The following CEP63 variants were observed in gnomAD, a reference collection of about 807,000 sequenced individuals.
The protein encoded by CEP63 is centrosomal protein of 63 kDa.
A neutral mutation model predicts 89.1 loss-of-function variants in CEP63; 84 were observed. The observed-to-expected ratio is 0.94, with a 90% CI of 0.79 to 1.13. CEP63 has a LOEUF of 1.13. Ranked by LOEUF, CEP63 falls within the 50% of genes most tolerant of loss-of-function variation. The pLI, the probability that CEP63 is intolerant of heterozygous loss-of-function variation, is 0.00. For missense variants in CEP63, 838 were observed against 813.3 expected (o/e 1.03, Z -0.37); for synonymous variants, 267 against 272.5 (o/e 0.98, Z 0.20).
the CEP63 span, among the ~76,000 whole-genome samples, chr3:134,753,526 C>T: frequency 6.6e-6 from 1 of 152,210 alleles, no homozygotes; most frequent in Non-Finnish European, 1.5e-5. Flanking sequence ...ACAGCAACAG[C>T]CACCAGGGCC....
At chr3:134,624,365 C>T in the CEP63 span, among the ~76,000 whole-genome samples, 8 of 152,242 alleles carry the variant, frequency 5.3e-5, no homozygotes, top group African/African-American at 1.7e-4. Flanking sequence ...GATCCATGCA[C>T]TCACCATCCA....
the CEP63 span, among the ~76,000 whole-genome samples, chr3:134,709,904 G>T: frequency 3.9e-5 from 6 of 152,214 alleles, no homozygotes; most frequent in African/African-American, 1.4e-4. Flanking sequence ...TGAACAATCT[G>T]TGATTATTCA....
chr3:134,649,279 G>A, the CEP63 span, among the ~76,000 whole-genome samples: 1 of 152,158 alleles, frequency 6.6e-6, no homozygotes, highest in African/African-American at 2.4e-5. Context: ...TGGAGCCATG[G>A]CGAGTTTGTG....
intron 10 of CEP63, among the ~76,000 whole-genome samples, chr3:134,581,628 T>C (rs1351317839): frequency 2.6e-5 from 4 of 151,188 alleles, no homozygotes; most frequent in Non-Finnish European, 4.4e-5. Context: ...ATAATCACTT[T>C]AATGCAGAAA....
the CEP63 span, among the ~76,000 whole-genome samples, chr3:134,744,828 C>T: frequency 6.6e-6 from 1 of 152,176 alleles, no homozygotes; most frequent in Non-Finnish European, 1.5e-5. Flanking sequence ...TACTTATATA[C>T]TCTTTAACAA....
chr3:134,608,159 GC>G, the CEP63 span: 1 of 1,154,232 alleles, frequency 8.7e-7, no homozygotes. Flanking sequence ...CTCTGCTGAG[GC>G]CATGTATTCT....
At chr3:134,611,693 CAGCTG>C in the CEP63 span, among the ~76,000 whole-genome samples, 2 of 152,242 alleles carry the variant, frequency 1.3e-5, no homozygotes, top group Non-Finnish European at 2.9e-5. Context: ...GTGCTGTACT[CAGCTG>C]AGCTGAGTCT....
At chr3:134,508,040 A>G (rs1160037810) in intron 3 of CEP63, among the ~76,000 whole-genome samples, 3 of 152,206 alleles carry the variant, frequency 2.0e-5, no homozygotes, top group African/African-American at 4.8e-5. Flanking sequence ...GACCTTTTCT[A>G]CCAGTAGGGT....
chr3:134,774,401 T>C, the CEP63 span, among the ~76,000 whole-genome samples: 3 of 152,206 alleles, frequency 2.0e-5, no homozygotes, highest in Non-Finnish European at 4.4e-5. Flanking sequence ...AGAGTAAAAT[T>C]GCCTTATTGA....
intron 3 of CEP63, among the ~76,000 whole-genome samples, chr3:134,511,698 A>G (rs1453345227): frequency 6.6e-6 from 1 of 152,160 alleles, no homozygotes; most frequent in Non-Finnish European, 1.5e-5. Context: ...ACATTTTCAC[A>G]TGGCGGAGGA....
the CEP63 span, among the ~76,000 whole-genome samples, chr3:134,661,137 T>C: frequency 2.6e-5 from 4 of 152,234 alleles, no homozygotes; most frequent in Admixed American, 1.3e-4. Context: ...GCAGCCTTCC[T>C]GCCCAGCCCA....
At chr3:134,663,447 G>T in the CEP63 span, among the ~76,000 whole-genome samples, 1 of 152,204 alleles carries the variant, frequency 6.6e-6, no homozygotes, top group Non-Finnish European at 1.5e-5. Context: ...GTGGAGTAAG[G>T]ATAAGGCAGA....
At chr3:134,695,163 C>T in the CEP63 span, among the ~76,000 whole-genome samples, 1 of 152,120 alleles carries the variant, frequency 6.6e-6, no homozygotes, top group Admixed American at 6.6e-5. Context: ...GCTCTCTGTG[C>T]TGCGGGTGTC....
intron 2 of CEP63, among the ~76,000 whole-genome samples, chr3:134,503,290 C>T (rs938972601): frequency 3.3e-5 from 5 of 151,910 alleles, no homozygotes; most frequent in African/African-American, 7.2e-5. Flanking sequence ...CATTCAGGAG[C>T]ATGCTGCTTA....
At chr3:134,574,770 A>AT in intron 11 of CEP63, 1 of 596,624 alleles carries the variant, frequency 1.7e-6, no homozygotes, top group Non-Finnish European at 3.1e-6. Flanking sequence ...CACCTGGCTA[A>AT]TTTTTTATAT....
At chr3:134,530,342 G>C (rs1195223237) in intron 3 of CEP63, among the ~76,000 whole-genome samples, 4 of 152,062 alleles carry the variant, frequency 2.6e-5, no homozygotes, top group Admixed American at 2.6e-4. Flanking sequence ...AATGCCATTG[G>C]ATGTTTTCCT....
At chr3:134,624,907 A>G in the CEP63 span, 1 of 703,102 alleles carries the variant, frequency 1.4e-6, no homozygotes, top group South Asian at 1.7e-5. Flanking sequence ...TTCTGTCCCC[A>G]CCCATATGCT....
chr3:134,520,920 TC>T (rs1947300639), intron 3 of CEP63, among the ~76,000 whole-genome samples: 1 of 152,184 alleles, frequency 6.6e-6, no homozygotes, highest in Admixed American at 6.5e-5. Context: ...CTGAAGATTT[TC>T]TAGAAGATGA....
chr3:134,547,604 G>GGTCTTTTT, intron 9 of CEP63, 132 bp downstream of exon 9: 1 of 179,014 alleles, frequency 5.6e-6, no homozygotes, highest in Non-Finnish European at 9.2e-6. Context: ...AATGGCCTAA[G>GGTCTTTTT]TTCTTATTTC....
Sources: allele counts gnomAD v4.1 joint callset (sites outside exome capture counted in the v4.1 genomes callset), GRCh38; gene constraint gnomAD v4.1.1; transcripts MANE v1.5; gene names NCBI Gene and HGNC (gene_info 2026-07-23, HGNC 2026-07-21).